Variants in PLCXD3 observed in about 807,000 individuals in gnomAD.
PLCXD3 encodes the protein PI-PLC X domain-containing protein 3.
A neutral mutation model predicts 25.5 loss-of-function variants in PLCXD3; 19 were observed. That is an observed-to-expected ratio of 0.75 (90% confidence interval 0.52 to 1.09). PLCXD3 has a LOEUF of 1.09. Among genes scored for constraint, PLCXD3 ranks in the 50% least tolerant of loss-of-function variants. The pLI, the probability that PLCXD3 is intolerant of heterozygous loss-of-function variation, is 0.00. For synonymous variants in PLCXD3, 174 were observed against 137.6 expected (o/e 1.26, Z -1.85); for missense variants, 411 against 388.1 (o/e 1.06, Z -0.50).
chr5:41,491,959 G>C lies in PLCXD3; in HGVS notation c.103+18465C>G, dbSNP rs191085145. On this transcript the variant is annotated intron_variant, in intron 1 of 2. Coordinates refer to ENST00000377801, the MANE Select transcript of PLCXD3 (RefSeq NM_001005473.3). ...ATTTAAAGTTAATATTGTTATGTAT[G>C]AATTTGATCCTGTCATTATGATGTT... 1.6e-3 allele frequency among the ~76,000 whole-genome samples: 242 copies of C among 152,298 alleles called. 1 individual carries two copies. Among genetic ancestry groups the C allele is most frequent in the African/African-American group, 5.0e-3 (206 of 41,564 alleles).
At chr5:41,502,654 G>A (rs1748976891) in intron 1 of PLCXD3, among the ~76,000 whole-genome samples, 1 of 152,084 alleles carries the variant, frequency 6.6e-6, no homozygotes, top group Non-Finnish European at 1.5e-5. Context: ...AAAATTTATG[G>A]TCAGAAATTT....
intron 2 of PLCXD3, among the ~76,000 whole-genome samples, chr5:41,331,213 A>C (rs963976860): frequency 3.9e-5 from 6 of 152,156 alleles, no homozygotes; most frequent in African/African-American, 1.4e-4. Flanking sequence ...TCTCAGCCCA[A>C]AATCTCCTTA....
chr5:41,361,852 CA>C (rs1319697808), intron 2 of PLCXD3, among the ~76,000 whole-genome samples: 1 of 152,128 alleles, frequency 6.6e-6, no homozygotes, highest in African/African-American at 2.4e-5. Context: ...AACTAATTAT[CA>C]CAATTTTAAT....
At chr5:41,333,919 A>T (rs552608918) in intron 2 of PLCXD3, among the ~76,000 whole-genome samples, 7 of 152,158 alleles carry the variant, frequency 4.6e-5, no homozygotes, top group Non-Finnish European at 8.8e-5. Context: ...CCTCACCTTG[A>T]CTTTCCCAGA....
At chr5:41,472,535 G>T (rs889845932) in intron 1 of PLCXD3, among the ~76,000 whole-genome samples, 1 of 152,146 alleles carries the variant, frequency 6.6e-6, no homozygotes, top group African/African-American at 2.4e-5. Flanking sequence ...CATCCAAGTG[G>T]ATTTCTTTTA....
intron 1 of PLCXD3, among the ~76,000 whole-genome samples, chr5:41,428,708 C>T (rs1456434285): frequency 6.6e-6 from 1 of 152,094 alleles, no homozygotes; most frequent in African/African-American, 2.4e-5. Context: ...TTTTTCAAAA[C>T]CTTTTTCAAC....
At chr5:41,485,286 A>G (rs896550352) in intron 1 of PLCXD3, among the ~76,000 whole-genome samples, 13 of 152,310 alleles carry the variant, frequency 8.5e-5, no homozygotes, top group Admixed American at 3.9e-4. Flanking sequence ...TCCTGTGTCA[A>G]TGCAGATGTT....
intron 1 of PLCXD3, among the ~76,000 whole-genome samples, chr5:41,406,641 T>G (rs1746359942): frequency 6.6e-6 from 1 of 152,086 alleles, no homozygotes; most frequent in African/African-American, 2.4e-5. Context: ...AGATCTGTTT[T>G]GTTCTCTTCC....
chr5:41,490,493 T>C (rs540782900), intron 1 of PLCXD3, among the ~76,000 whole-genome samples: 131 of 152,306 alleles, frequency 8.6e-4, no homozygotes, highest in African/African-American at 3.0e-3. Flanking sequence ...TTGTTTGGAA[T>C]AGTTTCAGAA....
intron 2 of PLCXD3, among the ~76,000 whole-genome samples, chr5:41,381,606 A>G (rs1044993097): frequency 6.6e-6 from 1 of 152,082 alleles, no homozygotes; most frequent in African/African-American, 2.4e-5. Flanking sequence ...GAGTCCTCAG[A>G]AGGAACCAAC....
chr5:41,405,887 T>C (rs1428334897), intron 1 of PLCXD3, among the ~76,000 whole-genome samples: 1 of 152,124 alleles, frequency 6.6e-6, no homozygotes, highest in Non-Finnish European at 1.5e-5. Flanking sequence ...TGTAATAAGG[T>C]TATCACTGTT....
At chr5:41,417,689 G>A (rs1314154137) in intron 1 of PLCXD3, among the ~76,000 whole-genome samples, 1 of 152,210 alleles carries the variant, frequency 6.6e-6, no homozygotes, top group African/African-American at 2.4e-5. Flanking sequence ...TTAGGAGAGT[G>A]CTGCCATCAC....
At chr5:41,376,297 T>C (rs1025758181) in intron 2 of PLCXD3, among the ~76,000 whole-genome samples, 1 of 152,098 alleles carries the variant, frequency 6.6e-6, no homozygotes, top group Non-Finnish European at 1.5e-5. Flanking sequence ...TATCTCTTTC[T>C]TTCTAAACAC....
intron 2 of PLCXD3, among the ~76,000 whole-genome samples, chr5:41,349,352 TCAAA>T (rs1407882743): frequency 6.6e-6 from 1 of 152,204 alleles, no homozygotes; most frequent in African/African-American, 2.4e-5. Flanking sequence ...ATCATGATCA[TCAAA>T]CAGCTCCTAT....
intron 1 of PLCXD3, among the ~76,000 whole-genome samples, chr5:41,399,006 C>A (rs760812698): frequency 6.6e-6 from 1 of 152,004 alleles, no homozygotes; most frequent in African/African-American, 2.4e-5. Flanking sequence ...AGTAAAGTTG[C>A]AGGATATAAA....
At chr5:41,430,734 C>A (rs1322919109) in intron 1 of PLCXD3, among the ~76,000 whole-genome samples, 3 of 152,104 alleles carry the variant, frequency 2.0e-5, no homozygotes, top group Non-Finnish European at 4.4e-5. Context: ...GTAATTAGCG[C>A]TGGCATAATT....
intron 2 of PLCXD3, among the ~76,000 whole-genome samples, chr5:41,322,084 C>G (rs1363690687): frequency 6.6e-6 from 1 of 152,126 alleles, no homozygotes; most frequent in Admixed American, 6.5e-5. Flanking sequence ...CAAATGGGAT[C>G]ACATCAAATT....
At chr5:41,360,441 A>G (rs950811949) in intron 2 of PLCXD3, among the ~76,000 whole-genome samples, 2 of 152,154 alleles carry the variant, frequency 1.3e-5, no homozygotes, top group Non-Finnish European at 2.9e-5. Flanking sequence ...TCGTTTTGTC[A>G]TATTACCAGA....
intron 1 of PLCXD3, among the ~76,000 whole-genome samples, chr5:41,395,346 TA>T (rs538557144): frequency 2.6e-5 from 4 of 152,190 alleles, no homozygotes; most frequent in Admixed American, 2.6e-4. Flanking sequence ...TGGAAATTTA[TA>T]GCTATAAGTG....
Sources: gnomAD v4.1 joint callset for allele counts (sites outside exome capture counted in the v4.1 genomes callset) on GRCh38, gnomAD v4.1.1 for gene constraint, MANE v1.5 for transcripts, NCBI Gene and HGNC (gene_info 2026-07-23, HGNC 2026-07-21) for gene names.